The following DACH2 variants were observed in gnomAD, a reference collection of about 807,000 sequenced individuals.
DACH2 encodes dachshund family transcription factor 2.
DACH2 carries 17 observed loss-of-function variants against 35.8 expected under a neutral mutation model. The observed-to-expected ratio is 0.48, with a 90% CI of 0.33 to 0.71. The LOEUF (loss-of-function observed/expected upper bound fraction) is 0.71. Ranked by LOEUF, DACH2 falls within the 30% of genes least tolerant of loss-of-function variation. DACH2 has a pLI of 0.02. For missense variants in DACH2, 469 were observed against 472.7 expected, an observed-to-expected ratio of 0.99 and a Z score of 0.07; for synonymous variants, 195 against 177.3, an observed-to-expected ratio of 1.10 and a Z score of -0.79.
intron 3 of DACH2, among the ~76,000 whole-genome samples, chrX:86,554,155 C>T: frequency 1.8e-5 from 2 of 111,139 alleles, no homozygotes; most frequent in Non-Finnish European, 3.8e-5. Context: ...GAAGTTAATA[C>T]AAGAGTTTTG....
intron 3 of DACH2, among the ~76,000 whole-genome samples, chrX:86,629,887 A>G (rs1056080517): frequency 9.0e-6 from 1 of 111,284 alleles, no homozygotes; most frequent in Non-Finnish European, 1.9e-5. Flanking sequence ...AAATAATAAT[A>G]ATAATGATAA....
At chrX:86,186,292 A>G (rs1195292765) in intron 1 of DACH2, among the ~76,000 whole-genome samples, 1 of 112,727 alleles carries the variant, frequency 8.9e-6, no homozygotes, top group Non-Finnish European at 1.9e-5. Flanking sequence ...CATTTCAGGG[A>G]GATGATAGTA....
chrX:86,326,528 TA>T (rs2035119511), intron 1 of DACH2, among the ~76,000 whole-genome samples: 2 of 106,893 alleles, frequency 1.9e-5, no homozygotes, highest in African/African-American at 3.4e-5. Flanking sequence ...TATATATATA[TA>T]TAATTTTTTA....
intron 7 of DACH2, among the ~76,000 whole-genome samples, chrX:86,764,375 C>T (rs781615035): frequency 1.1e-4 from 12 of 110,800 alleles, no homozygotes; most frequent in African/African-American, 3.9e-4. Context: ...CCATTCCTTC[C>T]TCCCTTCCTT....
chrX:86,457,008 C>T (rs2037487518), intron 2 of DACH2, among the ~76,000 whole-genome samples: 1 of 111,369 alleles, frequency 9.0e-6, no homozygotes, highest in African/African-American at 3.3e-5. Context: ...TTTAATCTGA[C>T]CTCTATCAAA....
At chrX:86,731,876 A>G (rs1194791412) in intron 6 of DACH2, among the ~76,000 whole-genome samples, 1 of 112,136 alleles carries the variant, frequency 8.9e-6, no homozygotes, top group Non-Finnish European at 1.9e-5. Context: ...CCTTGCCTTC[A>G]TGGATTTAAA....
chrX:86,538,142 G>A (rs781614531), intron 3 of DACH2, among the ~76,000 whole-genome samples: 19 of 111,132 alleles, frequency 1.7e-4, no homozygotes, highest in Non-Finnish European at 3.2e-4. Context: ...ACGGATGCAC[G>A]TGACATGGTC....
intron 1 of DACH2, among the ~76,000 whole-genome samples, chrX:86,343,453 A>T (rs1261752215): frequency 8.9e-6 from 1 of 111,798 alleles, no homozygotes; most frequent in South Asian, 3.7e-4. Flanking sequence ...TCATCTGCCC[A>T]GAGCTGTGAC....
chrX:86,631,175 G>A (rs12558307), intron 3 of DACH2, among the ~76,000 whole-genome samples: 14,146 of 111,151 alleles, frequency 0.13, 784 homozygotes, highest in East Asian at 0.33. Flanking sequence ...AAGAACCACC[G>A]GAATTTTTGT....
intron 2 of DACH2, among the ~76,000 whole-genome samples, chrX:86,483,638 G>A (rs1046768587): frequency 9.0e-6 from 1 of 110,842 alleles, no homozygotes; most frequent in Admixed American, 9.6e-5. Context: ...TTCGAGACAA[G>A]CCTGGGCAAC....
chrX:86,465,133 A>G (rs2037643553), intron 2 of DACH2, among the ~76,000 whole-genome samples: 1 of 112,137 alleles, frequency 8.9e-6, no homozygotes, highest in African/African-American at 3.2e-5. Flanking sequence ...ATAAAATTAC[A>G]CTAAATTTTA....
intron 1 of DACH2, among the ~76,000 whole-genome samples, chrX:86,197,799 C>T (rs901508178): frequency 3.6e-5 from 4 of 111,139 alleles, no homozygotes; most frequent in African/African-American, 1.3e-4. Flanking sequence ...AAGAGACTCC[C>T]ATGGAATAAT....
intron 1 of DACH2, among the ~76,000 whole-genome samples, chrX:86,187,286 GCA>G (rs1233422670): frequency 9.0e-6 from 1 of 111,229 alleles, no homozygotes; most frequent in African/African-American, 3.3e-5. Flanking sequence ...CTATTAGAGT[GCA>G]CAGAGAAAGG....
chrX:86,314,424 A>G (rs2034857532), intron 1 of DACH2, among the ~76,000 whole-genome samples: 3 of 110,840 alleles, frequency 2.7e-5, no homozygotes, highest in Admixed American at 9.7e-5. Context: ...AGGATGAAAT[A>G]GGAGGATCAC....
intron 1 of DACH2, among the ~76,000 whole-genome samples, chrX:86,300,381 T>C (rs1257650431): frequency 8.9e-6 from 1 of 111,879 alleles, no homozygotes; most frequent in Non-Finnish European, 1.9e-5. Context: ...AAGACTTGTT[T>C]TTAAAAAGTT....
intron 2 of DACH2, among the ~76,000 whole-genome samples, chrX:86,513,247 ATTAT>A (rs1489592923): frequency 1.8e-5 from 2 of 112,055 alleles, no homozygotes. Context: ...TGCTGCTAAA[ATTAT>A]TTAATATAGT....
At chrX:86,611,025 T>C (rs1362419273) in intron 3 of DACH2, among the ~76,000 whole-genome samples, 9 of 110,921 alleles carry the variant, frequency 8.1e-5, no homozygotes, top group Admixed American at 7.7e-4. Context: ...ATGTTGGGTC[T>C]CACCTGAAGC....
At chrX:86,164,040 C>A (rs769778628) in intron 1 of DACH2, among the ~76,000 whole-genome samples, 12 of 111,849 alleles carry the variant, frequency 1.1e-4, no homozygotes, top group East Asian at 8.5e-4. Context: ...TTACACTCTG[C>A]CCAACAGTGT....
chrX:86,590,212 C>T (rs967611979), intron 3 of DACH2, among the ~76,000 whole-genome samples: 5 of 111,650 alleles, frequency 4.5e-5, no homozygotes, highest in Admixed American at 2.9e-4. Flanking sequence ...AAATTAACTG[C>T]GCTGCTAAGG....
Sources: allele counts gnomAD v4.1 joint callset (sites outside exome capture counted in the v4.1 genomes callset), GRCh38; gene constraint gnomAD v4.1.1; transcripts MANE v1.5; gene names NCBI Gene and HGNC (gene_info 2026-07-23, HGNC 2026-07-21).